The following PES1 variants were observed in gnomAD, a reference collection of about 807,000 sequenced individuals.
The protein encoded by PES1 is pescadillo ribosomal biogenesis factor 1, also known as pescadillo homolog.
PES1 carries 31 observed loss-of-function variants against 77.1 expected under a neutral mutation model. That is an observed-to-expected ratio of 0.40 (90% confidence interval 0.30 to 0.54). PES1 has a LOEUF of 0.54. Ranked by LOEUF, PES1 falls within the 20% of genes least tolerant of loss-of-function variation. The pLI is 0.45. For missense variants in PES1, 658 were observed against 771.7 expected (o/e 0.85, Z 1.75); for synonymous variants, 282 against 303.0 (o/e 0.93, Z 0.72).
upstream of PES1, chr22:30,591,998 C>T (rs534716912): frequency 2.4e-4 from 337 of 1,379,590 alleles, 2 homozygotes; most frequent in South Asian, 3.2e-4. Context: ...ATGGGGATTT[C>T]CTCCTCAAGA....
Position 30,605,518 on chromosome 22 carries a change from C to T in PES1, c.-717-1G>A. The T allele has an allele frequency of 2.0e-6, 2 of 983,300 alleles. No individual in the cohort carries two copies. Among genetic ancestry groups the T allele is most frequent in the South Asian group, 4.7e-5 (1 of 21,236 alleles). The allele number at this position is 983,300 out of a possible 1,614,324, so 60.9% of individuals were successfully genotyped here. ...TGGCCACCTCCTCCAGGCTGCCTTC[C>T]TGGAAATAGGAATCATAATAGTTGT... On this transcript the variant is annotated splice_acceptor_variant, in intron 1 of 16. Transcript: ENST00000402281. LOFTEE classifies it low-confidence loss of function (5UTR_SPLICE).
At chr22:30,595,701 C>T (rs576953078), upstream of PES1, among the ~76,000 whole-genome samples, 1 of 152,258 alleles carries the variant, frequency 6.6e-6, no homozygotes, top group South Asian at 2.1e-4. Flanking sequence ...TGCATCCAGA[C>T]CCTGCAAGGA....
intron 2 of PES1, chr22:30,605,382 G>T: frequency 1.2e-6 from 1 of 854,628 alleles, no homozygotes; most frequent in Non-Finnish European, 1.4e-6. Flanking sequence ...GCAGGGGGGT[G>T]TCTCCCTCCT....
chr22:30,581,628 T>C lies in PES1; in HGVS notation c.647A>G (p.Asp216Gly), dbSNP rs1367464027. 1.9e-6 allele frequency: 3 copies of C among 1,611,170 alleles called. No individual in the cohort carries two copies. The highest frequency in any genetic ancestry group is 1.7e-5 in the Admixed American group (1 of 59,950). ...AFSHDHPTDV[D>G]YRVMATFTEF... ...GGTGAAGGTGGCCATGACCCTGTAG[T>C]CCACGTCTGTCGGGTGCTGGGGAAC... Residue 216 changes from aspartate to glycine, a missense_variant, in exon 7 of 15, where the codon GAC (aspartate) becomes GGC (glycine). Asp to Gly is a moderately conservative substitution (Grantham distance 94). Coordinates refer to ENST00000354694, the MANE Select transcript of PES1 (RefSeq NM_014303.4).
Position 30,576,722 on chromosome 22 carries a change from A to AG in PES1, c.*323dup. ...AGAATCACGGGTCCAACTGTGTGGGAGGGGGCTGTGGAAAGCCAGGATGAA... is the reference window on the plus strand; with the variant it reads ...AGAATCACGGGTCCAACTGTGTGGGAGGGGGGCTGTGGAAAGCCAGGATGAA... On this transcript the variant is annotated 3_prime_UTR_variant, in exon 15 of 15. Coordinates refer to ENST00000354694, the MANE Select transcript of PES1 (RefSeq NM_014303.4). 2.5e-6 allele frequency: 1 copy of AG among 392,510 alleles called. No individual in the cohort carries two copies. Among genetic ancestry groups the AG allele is most frequent in the Non-Finnish European group, 4.6e-6 (1 of 215,590 alleles). The allele number at this position is 392,510 out of a possible 1,614,324, so 24.3% of individuals were successfully genotyped here. A position where few individuals can be genotyped will look rare whatever the true frequency, so the allele number is the denominator to read the frequency against.
chr22:30,581,278 G>A (rs2086983066), intron 8 of PES1, 56 bp downstream of exon 8: 4 of 1,568,358 alleles, frequency 2.6e-6, no homozygotes, highest in Non-Finnish European at 3.5e-6. Context: ...CAGAGGTGTT[G>A]GGGACAGAGA....
Position 30,579,794 on chromosome 22 carries a change from A to G in PES1, c.1311T>C (p.Pro437=), listed in dbSNP as rs761219640. The change falls in exon 12 of 15, where the codon CCT becomes CCC. Residue 437 remains proline (P), a synonymous_variant. Transcript: ENST00000354694. ...GCAGAGCCAGCAGCTTCAGCTTCTC[A>G]GGTGGAACGTAATCTCCTTCCTTCT... ...VTEKEGDYVP[P]EKLKLLALQR... 3 of 1,613,984 alleles carry G rather than the reference A, an allele frequency of 1.9e-6. No homozygotes were observed. Among genetic ancestry groups the G allele is most frequent in the Non-Finnish European group, 2.5e-6 (3 of 1,180,018 alleles).
chr22:30,580,727 C>T, intron 9 of PES1, 26 bp from the exon 10 acceptor site: 1 of 1,611,936 alleles, frequency 6.2e-7, no homozygotes, highest in Non-Finnish European at 8.5e-7. Context: ...CCAGGCCTCG[C>T]ACCACCAGGG....
chr22:30,580,588 G>A lies in PES1; in HGVS notation c.1026C>T (p.Ala342=). The A allele has an allele frequency of 6.2e-7, 1 of 1,613,754 alleles. No individual in the cohort carries two copies. Among genetic ancestry groups the A allele is most frequent in the East Asian group, 2.2e-5 (1 of 44,884 alleles). ...CTCCCTACCTGATGATGAAGGCCAG[G>A]GCCTCACGGGGCACCTCTCGGTTCA... The part of the protein sequence containing the change: ...FFLNREVPRE[A]LAFIIRSFGG... The change falls in exon 10 of 15, where the codon GCC becomes GCT. Residue 342 remains alanine (A), a synonymous_variant. Transcript: ENST00000354694.
At chr22:30,598,161 C>G (rs1470587361) in intron 2 of PES1, 1 of 152,214 alleles carries the variant, frequency 6.6e-6, no homozygotes, top group African/African-American at 2.4e-5. Flanking sequence ...CTGCTGCTCA[C>G]TTTTTGGGTG....
chr22:30,596,663 G>T (rs557038693), upstream of PES1, among the ~76,000 whole-genome samples: 75 of 152,274 alleles, frequency 4.9e-4, no homozygotes, highest in Non-Finnish European at 1.2e-4. Context: ...TTTATAAACC[G>T]ATGACTCTGT....
chr22:30,577,213 A>G (rs2086914439), intron 14 of PES1, 84 bp from the exon 15 acceptor site: 2 of 1,138,328 alleles, frequency 1.8e-6, no homozygotes, highest in African/African-American at 1.5e-5. Flanking sequence ...ATATCCCTTA[A>G]AAGCAGAGCT....
chr22:30,578,622 G>A (rs544516562), intron 14 of PES1, among the ~76,000 whole-genome samples: 31 of 152,284 alleles, frequency 2.0e-4, no homozygotes, highest in African/African-American at 7.0e-4. Context: ...GACGGAAGCC[G>A]TAAGGAAAGC....
At chr22:30,592,229 GGCGCCGCACTCCATGGT>G, upstream of PES1, 1 of 1,023,036 alleles carries the variant, frequency 9.8e-7, no homozygotes, top group Non-Finnish European at 1.2e-6. Context: ...GATGCAGAGG[GGCGCCGCACTCCATGGT>G]GCGCGATAGG....
upstream of PES1, among the ~76,000 whole-genome samples, chr22:30,595,196 G>A (rs561016471): frequency 5.3e-4 from 81 of 152,070 alleles, 1 homozygote; most frequent in South Asian, 0.015. Context: ...TCTGGGAAAG[G>A]GTCTGGGTAA....
chr22:30,584,546 C>T lies in PES1; in HGVS notation c.540G>A (p.Lys180=), dbSNP rs2087041686. 6.2e-7 allele frequency: 1 copy of T among 1,610,568 alleles called. No homozygotes were observed. Among genetic ancestry groups the T allele is most frequent in the South Asian group, 1.1e-5 (1 of 90,598 alleles). The change falls in exon 5 of 15, where the codon AAG becomes AAA. Residue 180 remains lysine, a splice_region_variant and synonymous_variant. Coordinates refer to ENST00000354694, the MANE Select transcript of PES1 (RefSeq NM_014303.4). The part of the protein sequence containing the change: ...HYIIAARALR[K]VFLSIKGIYY... ...GCCAGCCGGGCAGTCCCAGGCTCAC[C>T]TTGCGCAGGGCACGGGCAGCGATAA...
chr22:30,585,300 T>C (rs909344957), intron 4 of PES1: 1 of 471,578 alleles, frequency 2.1e-6, no homozygotes, highest in Non-Finnish European at 4.4e-6. Context: ...GAGCAGAATG[T>C]GTTTCGGGGA....
At chr22:30,600,581 C>T (rs569015906) in intron 2 of PES1, among the ~76,000 whole-genome samples, 1 of 152,186 alleles carries the variant, frequency 6.6e-6, no homozygotes, top group African/African-American at 2.4e-5. Context: ...CTTTGGGAGG[C>T]CGAGGCCGGT....
chr22:30,598,491 C>T (rs1219664520), intron 2 of PES1: 1 of 152,058 alleles, frequency 6.6e-6, no homozygotes, highest in Non-Finnish European at 1.5e-5. Context: ...GCAGTGGTAA[C>T]AATCTCCGGT....
Sources: gnomAD v4.1 joint callset for allele counts (sites outside exome capture counted in the v4.1 genomes callset) on GRCh38, gnomAD v4.1.1 for gene constraint, MANE v1.5 for transcripts, NCBI Gene and HGNC (gene_info 2026-07-23, HGNC 2026-07-21) for gene names.